The following WDFY4 variants were observed in gnomAD, a reference collection of about 807,000 sequenced individuals.
WDFY4 encodes WDFY family member 4.
WDFY4 carries 169 observed loss-of-function variants against 351.9 expected under a neutral mutation model. The observed-to-expected ratio is 0.48, with a 90% confidence interval of 0.42 to 0.55. The LOEUF (loss-of-function observed/expected upper bound fraction) is 0.55. Ranked by LOEUF, WDFY4 falls within the 20% of genes least tolerant of loss-of-function variation. The pLI is 0.00. For synonymous variants in WDFY4, 1,622 were observed against 1,574.6 expected, an observed-to-expected ratio of 1.03 and a Z score of -0.71; for missense variants, 3,803 against 3,935.6, an observed-to-expected ratio of 0.97 and a Z score of 0.90.
intron 22 of WDFY4, 144 bp from the exon 23 acceptor site, chr10:48,790,583 C>A (rs1350721510): frequency 2.3e-6 from 2 of 885,362 alleles, no homozygotes; most frequent in Non-Finnish European, 3.4e-6. Flanking sequence ...CTCTTCCCCC[C>A]AGCCTGTCCC....
intron 35 of WDFY4, among the ~76,000 whole-genome samples, chr10:48,824,834 G>A (rs946551706): frequency 6.6e-6 from 1 of 152,026 alleles, no homozygotes; most frequent in Admixed American, 6.6e-5. Flanking sequence ...GGAAAGATAG[G>A]GTCTTACTAT....
chr10:48,731,343 C>T lies in WDFY4; in HGVS notation c.1363C>T (p.Leu455=), dbSNP rs1442049080. Residue 455 remains leucine, a synonymous_variant, in exon 9 of 62, where the codon CTG becomes TTG. Coordinates refer to ENST00000325239, the MANE Select transcript of WDFY4 (RefSeq NM_001394531.1). ...ACACTTCTTCCAGCTTCTAGAGGCC[C>T]TGGTGTTCGAGCTGCACTACGTGCC... is the stretch of plus-strand genomic sequence containing the variant. ...QEHFFQLLEA[L]VFELHYVPHE... 6.4e-6 allele frequency: 10 copies of T among 1,551,676 alleles called. No homozygotes were observed. The highest frequency in any genetic ancestry group is 1.2e-5 in the South Asian group (1 of 84,068).
chr10:48,925,807 T>C (rs913037653), intron 47 of WDFY4, among the ~76,000 whole-genome samples: 1 of 152,160 alleles, frequency 6.6e-6, no homozygotes, highest in Non-Finnish European at 1.5e-5. Flanking sequence ...ATACTGCCAA[T>C]GTCAAGAGCT....
chr10:48,805,070 C>G (rs1287574962), intron 25 of WDFY4, among the ~76,000 whole-genome samples, 190 bp from the exon 26 acceptor site: 2 of 152,032 alleles, frequency 1.3e-5, no homozygotes, highest in East Asian at 1.9e-4. Flanking sequence ...AGTGCACACC[C>G]GAGCGACTCT....
At chr10:48,763,894 A>G (rs1324427346) in intron 13 of WDFY4, among the ~76,000 whole-genome samples, 1 of 152,238 alleles carries the variant, frequency 6.6e-6, no homozygotes, top group African/African-American at 2.4e-5. Context: ...ACCTCACAAC[A>G]ACAGATAGAA....
At chr10:48,947,383 G>C (rs894019982) in intron 51 of WDFY4, among the ~76,000 whole-genome samples, 1 of 152,158 alleles carries the variant, frequency 6.6e-6, no homozygotes, top group Admixed American at 6.5e-5. Flanking sequence ...GCATAAATCT[G>C]TACCAAGAAC....
Position 48,731,239 on chromosome 10 carries a change from T to A in WDFY4, c.1259T>A (p.Phe420Tyr). 6.4e-7 allele frequency: 1 copy of A among 1,551,918 alleles called. No individual in the cohort carries two copies. Among genetic ancestry groups the A allele is most frequent in the Non-Finnish European group, 8.7e-7 (1 of 1,147,032 alleles). The change falls in exon 9 of 62, where the codon TTC becomes TAC. Residue 420 changes from phenylalanine (F) to tyrosine (Y), a missense_variant. By Grantham distance (22) the Phe-to-Tyr change is conservative (BLOSUM62 3). Coordinates refer to ENST00000325239, the MANE Select transcript of WDFY4 (RefSeq NM_001394531.1). ...RTMWAWNARN[F>Y]FLLEWTLQPI... is the part of the protein sequence containing the mutation. ...ATGTGGGCCTGGAATGCTCGAAACT[T>A]CTTCCTGCTGGAGTGGACCCTGCAG...
intron 17 of WDFY4, among the ~76,000 whole-genome samples, chr10:48,777,699 A>G (rs1565186551): frequency 6.6e-6 from 1 of 152,196 alleles, no homozygotes; most frequent in Non-Finnish European, 1.5e-5. Context: ...GCAGTGAACT[A>G]TGATTGAACC....
At chr10:48,958,099 C>T (rs114059710) in intron 52 of WDFY4, among the ~76,000 whole-genome samples, 1,589 of 152,306 alleles carry the variant, frequency 0.01, 26 homozygotes, top group African/African-American at 0.036. Context: ...TAAGGGCATG[C>T]ACCTGAGCCA....
chr10:48,737,755 G>A lies in WDFY4; in HGVS notation c.1878+1685G>A, dbSNP rs78191847. 6.4e-3 allele frequency among the ~76,000 whole-genome samples: 971 copies of A among 152,324 alleles called. 11 individuals are homozygous for A. The highest frequency in any genetic ancestry group is 0.022 in the African/African-American group (922 of 41,554). ...CACTTGAATCCCATGATTACTTGAG[G>A]TAAGGGAAGTGAGAGGGATGGGTGA... On this transcript the variant is annotated intron_variant, in intron 11 of 61. Coordinates refer to ENST00000325239, the MANE Select transcript of WDFY4 (RefSeq NM_001394531.1).
chr10:48,920,264 G>A lies in WDFY4; in HGVS notation c.7586+18401G>A, dbSNP rs192341153. On this transcript the variant is annotated intron_variant, in intron 47 of 61. Coordinates refer to ENST00000325239, the MANE Select transcript of WDFY4 (RefSeq NM_001394531.1). ...AGGACGTCCACAAAAAAGCTAGAGC[G>A]GACAAAAAACCAAATACCACATGTT... Among the ~76,000 whole-genome samples, 110 of 151,832 alleles carry A rather than the reference G, an allele frequency of 7.2e-4. 1 individual carries two copies. Among genetic ancestry groups the A allele is most frequent in the East Asian group, 4.8e-3 (25 of 5,156 alleles).
At chr10:48,958,341 C>A (rs146017900) in intron 52 of WDFY4, among the ~76,000 whole-genome samples, 1 of 152,284 alleles carries the variant, frequency 6.6e-6, no homozygotes, top group East Asian at 1.9e-4. Context: ...AAGGATGGAT[C>A]CCCCAAAGCG....
Position 48,912,062 on chromosome 10 carries a change from A to G in WDFY4, c.7586+10199A>G, listed in dbSNP as rs529568779. Reference sequence around the variant, plus strand: ...AACATAGGAAAGTCCTGGGGGAAAAAAGCCTCCCTCAAGGTATCATTCTTG... The same window carrying G: ...AACATAGGAAAGTCCTGGGGGAAAAGAGCCTCCCTCAAGGTATCATTCTTG... On this transcript the variant is annotated intron_variant, in intron 47 of 61. Coordinates refer to ENST00000325239, the MANE Select transcript of WDFY4 (RefSeq NM_001394531.1). Among the ~76,000 whole-genome samples the G allele has an allele frequency of 2.0e-5, 3 of 152,350 alleles. No individual in the cohort carries two copies. In the South Asian group the frequency reaches 6.2e-4, roughly 32 times the overall value.
At chr10:48,910,355 C>A in intron 47 of WDFY4, 22 of 1,064,638 alleles carry the variant, frequency 2.1e-5, no homozygotes, top group Non-Finnish European at 3.2e-5. Context: ...AAGGTCATGC[C>A]TGACCTTCAG....
At chr10:48,811,803 C>G (rs997080737) in intron 30 of WDFY4, 95 bp downstream of exon 30, 4 of 1,289,876 alleles carry the variant, frequency 3.1e-6, no homozygotes, top group Non-Finnish European at 3.2e-6. Context: ...TTACCTCCCT[C>G]TGCTTCTTCC....
chr10:48,693,755 T>C lies in WDFY4; in HGVS notation c.-18+8754T>C, dbSNP rs146358100. On this transcript the variant is annotated intron_variant, in intron 1 of 61. Transcript: ENST00000325239. ...CCCCCACTTCTAGTGGCTAGCAGTA[T>C]ATTTCCTTGCTCTTCTCTTAGGTGA... is the stretch of plus-strand genomic sequence containing the variant. Among the ~76,000 whole-genome samples, 43 of 149,800 alleles carry C rather than the reference T, an allele frequency of 2.9e-4. 1 individual carries two copies. In the East Asian group the frequency reaches 7.6e-3, roughly 26 times the overall value.
chr10:48,938,652 A>T (rs754968012), intron 47 of WDFY4, among the ~76,000 whole-genome samples: 7 of 152,226 alleles, frequency 4.6e-5, no homozygotes, highest in Non-Finnish European at 8.8e-5. Context: ...GATGCTGTGC[A>T]GTGTGGGGTA....
chr10:48,736,203 G>A, intron 11 of WDFY4, 133 bp downstream of exon 11: 1 of 1,030,580 alleles, frequency 9.7e-7, no homozygotes, highest in Non-Finnish European at 1.5e-6. Context: ...GTATTAGGTA[G>A]CGTCAGGTGC....
At chr10:48,943,933 C>G (rs2255553) in intron 49 of WDFY4, among the ~76,000 whole-genome samples, 65,821 of 151,986 alleles carry the variant, frequency 0.43, 14,684 homozygotes, top group East Asian at 0.64. Flanking sequence ...TGGTATTTGG[C>G]TGCCTGGGTT....
Sources: allele counts gnomAD v4.1 joint callset (sites outside exome capture counted in the v4.1 genomes callset), GRCh38; gene constraint gnomAD v4.1.1; transcripts MANE v1.5; gene names NCBI Gene and HGNC (gene_info 2026-07-23, HGNC 2026-07-21).